The following NXPE4 variants were observed in gnomAD, a reference collection of about 807,000 sequenced individuals.
NXPE4 encodes the protein neurexophilin and PC-esterase domain family member 4.
A neutral mutation model predicts 33.3 loss-of-function variants in NXPE4; 42 were observed. That is an observed-to-expected ratio of 1.26 (90% CI 0.98 to 1.63). The LOEUF (loss-of-function observed/expected upper bound fraction) is 1.63, where lower values mean the gene tolerates loss of function less well. NXPE4 is among the 40% of genes most tolerant of loss of function. The pLI is 0.00. For missense variants in NXPE4, 709 were observed against 647.6 expected (o/e 1.09, Z -1.03); for synonymous variants, 253 against 234.9 (o/e 1.08, Z -0.71).
At chr11:114,616,193 G>T in the NXPE4 span, among the ~76,000 whole-genome samples, 1 of 151,480 alleles carries the variant, frequency 6.6e-6, no homozygotes, top group Non-Finnish European at 1.5e-5. Context: ...AATGTCTCAT[G>T]AGTAACTGCT....
the NXPE4 span, among the ~76,000 whole-genome samples, chr11:114,656,859 G>T: frequency 6.6e-6 from 1 of 152,068 alleles, no homozygotes; most frequent in Admixed American, 6.6e-5. Flanking sequence ...TTGGGAGGCC[G>T]AGATGGGCAG....
intron 2 of NXPE4, among the ~76,000 whole-genome samples, chr11:114,586,957 C>T (rs1949314842): frequency 6.6e-6 from 1 of 152,128 alleles, no homozygotes; most frequent in Non-Finnish European, 1.5e-5. Flanking sequence ...TCCTCCTTCC[C>T]TCCCCACACC....
In NXPE4 at chr11:114,571,109, A is replaced by G. The variant is rs1175120310; in HGVS notation, c.1464T>C (p.Ser488=). Reference sequence around the variant, plus strand: ...GATATTGAATGTAACCATGAAAGTCACTAAATCTTTCTGCATCATTGTACA... The same window carrying G: ...GATATTGAATGTAACCATGAAAGTCGCTAAATCTTTCTGCATCATTGTACA... ...REMYNDAERF[S]DFHGYIQYLI... The change falls in exon 6 of 6, where the codon AGT becomes AGC. Residue 488 remains serine, a synonymous_variant. Coordinates refer to ENST00000375478, the MANE Select transcript of NXPE4 (RefSeq NM_001077639.2). 2 of 1,614,036 alleles carry G rather than the reference A, an allele frequency of 1.2e-6. No homozygotes were observed. Among genetic ancestry groups the G allele is most frequent in the Non-Finnish European group, 1.7e-6 (2 of 1,179,940 alleles).
At chr11:114,580,933 A>G (rs1949130701) in intron 4 of NXPE4, among the ~76,000 whole-genome samples, 1 of 152,150 alleles carries the variant, frequency 6.6e-6, no homozygotes, top group Non-Finnish European at 1.5e-5. Context: ...GGTAGCCACA[A>G]TGGTGAGGAG....
At chr11:114,608,729 G>C in the NXPE4 span, among the ~76,000 whole-genome samples, 3 of 151,594 alleles carry the variant, frequency 2.0e-5, no homozygotes, top group Admixed American at 1.3e-4. Context: ...ACTGCCTCGT[G>C]GGTAACCACT....
the NXPE4 span, among the ~76,000 whole-genome samples, chr11:114,633,262 T>A: frequency 1.5e-5 from 2 of 135,142 alleles, no homozygotes; most frequent in East Asian, 4.2e-4. Context: ...TATATAAGAA[T>A]GTTATATAGT....
At chr11:114,666,653 T>G in the NXPE4 span, among the ~76,000 whole-genome samples, 1 of 152,290 alleles carries the variant, frequency 6.6e-6, no homozygotes, top group East Asian at 1.9e-4. Context: ...TTTGGTTTTT[T>G]TATCTGAAAT....
the NXPE4 span, among the ~76,000 whole-genome samples, chr11:114,608,351 G>A: frequency 6.6e-6 from 1 of 151,834 alleles, no homozygotes; most frequent in Non-Finnish European, 1.5e-5. Context: ...GTTGCCACGT[G>A]GGTAACAACT....
chr11:114,604,920 C>A, the NXPE4 span, among the ~76,000 whole-genome samples: 7 of 151,966 alleles, frequency 4.6e-5, no homozygotes, highest in Admixed American at 6.6e-5. Context: ...ATTAGTGTTG[C>A]CTCTAGGGTA....
At chr11:114,641,016 C>T in the NXPE4 span, among the ~76,000 whole-genome samples, 1,061 of 151,928 alleles carry the variant, frequency 7.0e-3, 7 homozygotes, top group Non-Finnish European at 0.011. Flanking sequence ...TGATAAGGTA[C>T]AAATATGTAA....
the NXPE4 span, among the ~76,000 whole-genome samples, chr11:114,626,649 G>A: frequency 2.0e-5 from 3 of 152,190 alleles, no homozygotes; most frequent in African/African-American, 7.2e-5. Flanking sequence ...TTCCTCACCA[G>A]CAACAGAACA....
intron 2 of NXPE4, among the ~76,000 whole-genome samples, chr11:114,594,009 G>A (rs1436617958): frequency 6.6e-6 from 1 of 152,070 alleles, no homozygotes; most frequent in Non-Finnish European, 1.5e-5. Flanking sequence ...GTAGAATGAT[G>A]GCTACCAGAG....
chr11:114,670,634 G>C, the NXPE4 span, among the ~76,000 whole-genome samples: 1 of 151,992 alleles, frequency 6.6e-6, no homozygotes, highest in South Asian at 2.1e-4. Context: ...CAAAGTTACA[G>C]TGAGATATGA....
At chr11:114,604,246 T>G in the NXPE4 span, among the ~76,000 whole-genome samples, 3 of 152,050 alleles carry the variant, frequency 2.0e-5, no homozygotes, top group African/African-American at 7.2e-5. Context: ...TAATAAGTGT[T>G]GACTCTTGGG....
Position 114,571,087 on chromosome 11 carries a change from A to G in NXPE4, c.1486T>C (p.Tyr496His), listed in dbSNP as rs1194724593. Residue 496 changes from tyrosine (Y) to histidine (H), a missense_variant, in exon 6 of 6, where the codon TAT becomes CAT. By Grantham distance (83) the Tyr-to-His change is moderately conservative. Transcript: ENST00000375478. ...RFSDFHGYIQYLIIKDIFQDL... is the reference protein window; with the variant it reads ...RFSDFHGYIQHLIIKDIFQDL... The stretch of plus-strand genomic sequence containing the variant: ...TGGAAAATGTCCTTTATGATGAGAT[A>G]TTGAATGTAACCATGAAAGTCACTA... 1 of 1,613,916 alleles carries G rather than the reference A, an allele frequency of 6.2e-7. No individual in the cohort carries two copies. The highest frequency in any genetic ancestry group is 1.3e-5 in the African/African-American group (1 of 74,924).
chr11:114,639,373 C>A, the NXPE4 span, among the ~76,000 whole-genome samples: 1 of 152,056 alleles, frequency 6.6e-6, no homozygotes, highest in African/African-American at 2.4e-5. Flanking sequence ...CGTCTGTTAC[C>A]CCTTTCTTTG....
the NXPE4 span, among the ~76,000 whole-genome samples, chr11:114,628,924 G>A: frequency 0.085 from 12,882 of 151,942 alleles, 705 homozygotes; most frequent in Middle Eastern, 0.2. Flanking sequence ...GAATCTAGAA[G>A]AAATGGATAA....
the NXPE4 span, among the ~76,000 whole-genome samples, chr11:114,617,283 T>A: frequency 6.6e-6 from 1 of 152,224 alleles, no homozygotes; most frequent in South Asian, 2.1e-4. Flanking sequence ...GCCTCGTGGA[T>A]AACCACCATT....
the NXPE4 span, among the ~76,000 whole-genome samples, chr11:114,602,013 T>G: frequency 1.0e-4 from 9 of 88,708 alleles, no homozygotes; most frequent in Non-Finnish European, 1.5e-4. Context: ...TGTATTATAT[T>G]ATATATAATA....
Sources: allele counts gnomAD v4.1 joint callset (sites outside exome capture counted in the v4.1 genomes callset), GRCh38; gene constraint gnomAD v4.1.1; transcripts MANE v1.5; gene names NCBI Gene and HGNC (gene_info 2026-07-23, HGNC 2026-07-21).